ARHGAP20: variants seen among roughly 807,000 people sequenced by gnomAD.
ARHGAP20 encodes the protein Rho GTPase activating protein 20.
In ARHGAP20, 34 loss-of-function variants were observed where a neutral mutation model predicts 73.7. The ratio of observed to expected loss-of-function variants is 0.46; its 90% CI spans 0.35 to 0.61. ARHGAP20 has a LOEUF of 0.61. Ranked by LOEUF, ARHGAP20 falls within the 20% of genes least tolerant of loss-of-function variation. ARHGAP20 has a pLI of 0.00. For synonymous variants in ARHGAP20, 523 were observed against 518.2 expected, an observed-to-expected ratio of 1.01 and a Z score of -0.13; for missense variants, 1,314 against 1,420.9, an observed-to-expected ratio of 0.92 and a Z score of 1.21.
At chr11:110,595,533 C>A (rs539550547) in intron 9 of ARHGAP20, among the ~76,000 whole-genome samples, 1,741 of 152,228 alleles carry the variant, frequency 0.011, 18 homozygotes, top group Non-Finnish European at 0.018. Flanking sequence ...TGAGTGAACT[C>A]CCATTCACAA....
intron 1 of ARHGAP20, among the ~76,000 whole-genome samples, chr11:110,693,915 T>C (rs936872006): frequency 2.0e-5 from 3 of 151,856 alleles, no homozygotes; most frequent in Non-Finnish European, 4.4e-5. Flanking sequence ...AAACAGTATA[T>C]AGTATATATT....
At position 110,577,798 on chromosome 11, in the gene ARHGAP20, T is replaced by C. The variant is rs1190681802; in HGVS notation, c.*1572A>G. 1.0e-6 allele frequency: 1 copy of C among 985,736 alleles called. No individual in the cohort carries two copies. The highest frequency in any genetic ancestry group is 6.1e-5 in the Admixed American group (1 of 16,268). 61.1% of individuals were successfully genotyped at this position (985,736 alleles called of 1,614,324 possible). ...GTCCCCAAGAGGTAGGTAGCACCTA[T>C]AGCTAATACTGAAATAACTTCTTCT... is the stretch of plus-strand genomic sequence containing the variant. On this transcript the variant is annotated 3_prime_UTR_variant, in exon 15 of 15. Transcript: ENST00000683387.
At chr11:110,639,235 G>A (rs913606573) in intron 2 of ARHGAP20, among the ~76,000 whole-genome samples, 1 of 118,344 alleles carries the variant, frequency 8.4e-6, no homozygotes, top group Admixed American at 7.1e-5. Flanking sequence ...TATTTTATTC[G>A]ATACCCCCCC....
chr11:110,641,045 G>A lies in ARHGAP20; in HGVS notation c.189-10253C>T, dbSNP rs1251459557. On this transcript the variant is annotated intron_variant, in intron 2 of 14. Transcript: ENST00000683387. ...GCTTGGTAAGATAGGTGGACAAATC[G>A]TTAGATAAACAGAGTGAGCAAGGGC... is the stretch of plus-strand genomic sequence containing the variant. 5.3e-5 allele frequency among the ~76,000 whole-genome samples: 8 copies of A among 151,998 alleles called. No homozygotes were observed. In the East Asian group the frequency reaches 5.8e-4, roughly 11 times the overall value.
chr11:110,582,236 G>T, intron 14 of ARHGAP20, 85 bp downstream of exon 14: 1 of 1,113,590 alleles, frequency 9.0e-7, no homozygotes, highest in Non-Finnish European at 1.4e-6. Flanking sequence ...GCTGCTGTGG[G>T]CTCCAGGAAA....
intron 5 of ARHGAP20, among the ~76,000 whole-genome samples, chr11:110,615,064 A>G (rs1400926824): frequency 6.6e-6 from 1 of 152,132 alleles, no homozygotes; most frequent in Non-Finnish European, 1.5e-5. Flanking sequence ...TGGTTATCCT[A>G]TAGCGTGGAG....
chr11:110,699,053 G>C (rs1398938072), intron 1 of ARHGAP20, among the ~76,000 whole-genome samples: 1 of 151,826 alleles, frequency 6.6e-6, no homozygotes, highest in Non-Finnish European at 1.5e-5. Flanking sequence ...GACATTTAAA[G>C]TTATAAACTT....
chr11:110,696,040 A>G (rs1256444486), intron 1 of ARHGAP20, among the ~76,000 whole-genome samples: 1 of 151,598 alleles, frequency 6.6e-6, no homozygotes, highest in East Asian at 1.9e-4. Flanking sequence ...CCTTGAAAAC[A>G]TTAAACTAAT....
At chr11:110,590,995 G>T (rs1351178249) in intron 10 of ARHGAP20, among the ~76,000 whole-genome samples, 186 bp from the exon 11 acceptor site, 2 of 152,148 alleles carry the variant, frequency 1.3e-5, no homozygotes, top group African/African-American at 4.8e-5. Context: ...GGTTACCAGG[G>T]GCTGGGGGTG....
At chr11:110,701,700 G>A (rs1381686497) in intron 1 of ARHGAP20, among the ~76,000 whole-genome samples, 2 of 152,110 alleles carry the variant, frequency 1.3e-5, no homozygotes, top group Non-Finnish European at 2.9e-5. Context: ...TTCTTCTAGG[G>A]TTTTTATGGT....
At chr11:110,713,061 A>G (rs1950706213), upstream of ARHGAP20, 4 of 152,278 alleles carry the variant, frequency 2.6e-5, no homozygotes, top group South Asian at 8.3e-4. Flanking sequence ...GCCCCTGCAC[A>G]TTTGCACCCG....
At chr11:110,652,170 C>T (rs760679634) in intron 2 of ARHGAP20, among the ~76,000 whole-genome samples, 4 of 151,820 alleles carry the variant, frequency 2.6e-5, no homozygotes, top group Non-Finnish European at 5.9e-5. Flanking sequence ...TAGAAAAGGG[C>T]CTCACTAAAA....
At chr11:110,617,621 T>C (rs2134908941) in intron 4 of ARHGAP20, among the ~76,000 whole-genome samples, 1 of 152,328 alleles carries the variant, frequency 6.6e-6, no homozygotes, top group Admixed American at 6.5e-5. Context: ...TACTTCAAAA[T>C]ATAAATTATG....
intron 1 of ARHGAP20, among the ~76,000 whole-genome samples, chr11:110,700,109 A>G (rs1950415272): frequency 6.6e-6 from 1 of 152,056 alleles, no homozygotes; most frequent in South Asian, 2.1e-4. Context: ...GAATCTGCTC[A>G]TTATTAGTTC....
At chr11:110,687,825 G>A (rs1950165869) in intron 2 of ARHGAP20, among the ~76,000 whole-genome samples, 1 of 152,096 alleles carries the variant, frequency 6.6e-6, no homozygotes. Flanking sequence ...AGACAATTAA[G>A]TAGTCAGATG....
At chr11:110,583,100 T>C (rs192530170) in intron 13 of ARHGAP20, among the ~76,000 whole-genome samples, 5 of 152,292 alleles carry the variant, frequency 3.3e-5, no homozygotes, top group Admixed American at 2.6e-4. Flanking sequence ...ACACCCCTTA[T>C]TAACTGTCAG....
chr11:110,586,536 C>A (rs1225328128), intron 11 of ARHGAP20, among the ~76,000 whole-genome samples: 1 of 152,090 alleles, frequency 6.6e-6, no homozygotes, highest in Non-Finnish European at 1.5e-5. Context: ...TAACTGGAGT[C>A]TTCATTACGG....
intron 9 of ARHGAP20, among the ~76,000 whole-genome samples, chr11:110,596,538 A>G (rs1482513706): frequency 6.6e-6 from 1 of 152,210 alleles, no homozygotes; most frequent in East Asian, 1.9e-4. Context: ...ACACATGAAA[A>G]AATGCTCATC....
At chr11:110,620,686 T>TA (rs1311352512) in intron 4 of ARHGAP20, among the ~76,000 whole-genome samples, 3 of 152,168 alleles carry the variant, frequency 2.0e-5, no homozygotes, top group South Asian at 2.1e-4. Context: ...TATAGTTTTT[T>TA]AAAAAAATCT....
Sources: allele counts gnomAD v4.1 joint callset (sites outside exome capture counted in the v4.1 genomes callset), GRCh38; gene constraint gnomAD v4.1.1; transcripts MANE v1.5; gene names NCBI Gene and HGNC (gene_info 2026-07-23, HGNC 2026-07-21).